Variants in CRTC3 observed in about 807,000 individuals in gnomAD.
CRTC3 encodes the protein CREB-regulated transcription coactivator 3.
Under a neutral mutation model 74.5 loss-of-function variants are expected in CRTC3, and 26 were observed. The observed-to-expected ratio is 0.35, with a 90% confidence interval of 0.26 to 0.48. CRTC3 has a LOEUF of 0.48. Ranked by LOEUF, CRTC3 falls within the 20% of genes least tolerant of loss-of-function variation. The pLI is 0.99. For missense variants in CRTC3, 760 were observed against 787.3 expected, an observed-to-expected ratio of 0.97 and a Z score of 0.41; for synonymous variants, 377 against 325.8, an observed-to-expected ratio of 1.16 and a Z score of -1.69.
At chr15:90,639,511 G>A (rs143308303) in intron 13 of CRTC3, among the ~76,000 whole-genome samples, 2,175 of 147,848 alleles carry the variant, frequency 0.015, 73 homozygotes, top group African/African-American at 0.051. Context: ...GTGCAGTGGC[G>A]TGATCTCGGC....
intron 4 of CRTC3, among the ~76,000 whole-genome samples, chr15:90,602,648 AAACAAAACAAC>A (rs1389103316): frequency 1.4e-5 from 1 of 73,328 alleles, no homozygotes. Flanking sequence ...ACAAACAAAC[AAACAAAACAAC>A]AACAACAACA....
intron 3 of CRTC3, chr15:90,595,587 T>C (rs1439957764): frequency 1.3e-5 from 2 of 151,900 alleles, no homozygotes; most frequent in Non-Finnish European, 2.9e-5. Context: ...AACCAATGTA[T>C]ATTTTTTCAG....
At chr15:90,572,941 T>G (rs4454948) in intron 2 of CRTC3, among the ~76,000 whole-genome samples, 93,442 of 151,608 alleles carry the variant, frequency 0.62, 29,502 homozygotes, top group South Asian at 0.73. Context: ...ACATCTTGAT[T>G]TATTTTTAAG....
At chr15:90,628,026 G>C (rs1031712419) in intron 10 of CRTC3, among the ~76,000 whole-genome samples, 14 of 150,830 alleles carry the variant, frequency 9.3e-5, no homozygotes, top group Admixed American at 2.6e-4. Context: ...GACCATCCTG[G>C]CTAACACGGT....
chr15:90,611,939 C>A (rs985927271), intron 6 of CRTC3, among the ~76,000 whole-genome samples: 6 of 152,022 alleles, frequency 3.9e-5, no homozygotes, highest in African/African-American at 1.4e-4. Context: ...TGCTTCGGTC[C>A]AGCCCATCTC....
At chr15:90,572,322 A>G (rs1417799972) in intron 2 of CRTC3, among the ~76,000 whole-genome samples, 4 of 152,188 alleles carry the variant, frequency 2.6e-5, no homozygotes, top group Non-Finnish European at 4.4e-5. Flanking sequence ...CAATTAGATT[A>G]TGTCTAGTTT....
intron 11 of CRTC3, among the ~76,000 whole-genome samples, chr15:90,632,143 G>A (rs536354401): frequency 6.0e-5 from 9 of 150,374 alleles, no homozygotes; most frequent in South Asian, 2.1e-4. Context: ...TATTGTTTTC[G>A]TGGTTCTTAT....
chr15:90,578,756 G>C (rs1027032371), intron 2 of CRTC3, among the ~76,000 whole-genome samples: 1 of 152,154 alleles, frequency 6.6e-6, no homozygotes. Flanking sequence ...CGAGAATTGA[G>C]GATGCCTTGT....
chr15:90,558,177 T>G (rs185236756), intron 2 of CRTC3, among the ~76,000 whole-genome samples: 79 of 152,202 alleles, frequency 5.2e-4, no homozygotes, highest in Non-Finnish European at 1.0e-3. Context: ...CTTCAGCAAA[T>G]TCTTGGTTCT....
intron 2 of CRTC3, among the ~76,000 whole-genome samples, chr15:90,549,385 C>T (rs962142177): frequency 2.6e-5 from 4 of 151,890 alleles, no homozygotes; most frequent in Admixed American, 1.3e-4. Flanking sequence ...GAAATTGAAT[C>T]TGAACATAAT....
At chr15:90,592,908 T>C (rs1032785096) in intron 2 of CRTC3, among the ~76,000 whole-genome samples, 1 of 152,120 alleles carries the variant, frequency 6.6e-6, no homozygotes, top group Non-Finnish European at 1.5e-5. Context: ...ATCCCAGCAC[T>C]TTGGGAGGCT....
intron 2 of CRTC3, among the ~76,000 whole-genome samples, chr15:90,581,156 T>G (rs1403551425): frequency 6.6e-6 from 1 of 152,156 alleles, no homozygotes. Flanking sequence ...GGATGCTGTC[T>G]GGTTGCATTG....
rs377484815 is a variant in CRTC3, at chr15:90,629,515, C to G, written c.1249C>G (p.Pro417Ala). The change falls in exon 11 of 15, where the codon CCA (proline) becomes GCA (alanine). Residue 417 changes from proline to alanine, a missense_variant. By Grantham distance (27) the Pro-to-Ala change is conservative (BLOSUM62 -1). Around this residue, in one of 2 missense-constraint regions of CRTC3, gnomAD observed 652 missense variants for 635.2 expected, o/e 1.03. Coordinates refer to ENST00000268184, the MANE Select transcript of CRTC3 (RefSeq NM_022769.5). ...RQLSSTSPLAPYPTSQMVSSD... is the reference protein window; with the variant it reads ...RQLSSTSPLAAYPTSQMVSSD... ...GCTGTCTTCAACCAGCCCACTGGCCCCATATCCTACCTCCCAGGTAAACAC... is the reference window on the plus strand; with the variant it reads ...GCTGTCTTCAACCAGCCCACTGGCCGCATATCCTACCTCCCAGGTAAACAC... 23 of 1,613,910 alleles carry G rather than the reference C, an allele frequency of 1.4e-5. No individual in the cohort carries two copies. Among genetic ancestry groups the G allele is most frequent in the Non-Finnish European group, 1.9e-5 (22 of 1,179,948 alleles).
chr15:90,604,978 C>T (rs1968176350), intron 5 of CRTC3, among the ~76,000 whole-genome samples: 1 of 152,102 alleles, frequency 6.6e-6, no homozygotes, highest in South Asian at 2.1e-4. Context: ...TGAAAAAATG[C>T]AGCTGAGCAT....
intron 2 of CRTC3, among the ~76,000 whole-genome samples, chr15:90,570,836 G>T (rs1347997337): frequency 6.6e-6 from 1 of 152,092 alleles, no homozygotes; most frequent in Non-Finnish European, 1.5e-5. Context: ...GATAAAAACA[G>T]TGATCTTTAC....
At chr15:90,610,601 C>G (rs1455177358) in intron 6 of CRTC3, among the ~76,000 whole-genome samples, 6 of 152,192 alleles carry the variant, frequency 3.9e-5, no homozygotes, top group African/African-American at 1.4e-4. Context: ...TGGAACCAAA[C>G]AGGATTTTTA....
chr15:90,626,655 A>C (rs1384382944), intron 10 of CRTC3, among the ~76,000 whole-genome samples: 1 of 142,402 alleles, frequency 7.0e-6, no homozygotes, highest in Non-Finnish European at 1.5e-5. Flanking sequence ...TCTGTCACCT[A>C]GGCTAGAGTG....
In CRTC3 at chr15:90,544,003, G is replaced by A. The variant is rs148476744; in HGVS notation, c.231+3866G>A. ...ATTTGAGATTCATCTGGGTGGTTGC[G>A]TGTGTTAGTTTCCTAGGGCTGCTGT... On this transcript the variant is annotated intron_variant, in intron 2 of 14. Coordinates refer to ENST00000268184, the MANE Select transcript of CRTC3 (RefSeq NM_022769.5). Among the ~76,000 whole-genome samples, 907 of 152,218 alleles carry A rather than the reference G, an allele frequency of 6.0e-3. 3 individuals are homozygous for A. The highest frequency in any genetic ancestry group is 9.7e-3 in the Non-Finnish European group (662 of 68,004).
intron 11 of CRTC3, among the ~76,000 whole-genome samples, chr15:90,637,430 G>A (rs1385902645): frequency 6.6e-6 from 1 of 152,160 alleles, no homozygotes; most frequent in Non-Finnish European, 1.5e-5. Context: ...GGGAGGGATA[G>A]CATTGGGAGA....
Sources: gnomAD v4.1 joint callset for allele counts (sites outside exome capture counted in the v4.1 genomes callset) on GRCh38, gnomAD v4.1.1 for gene constraint, gnomAD v4.1.1 regional missense constraint, MANE v1.5 for transcripts, NCBI Gene and HGNC (gene_info 2026-07-23, HGNC 2026-07-21) for gene names.